The following CLHC1 variants were observed in gnomAD, a reference collection of about 807,000 sequenced individuals.
CLHC1 encodes clathrin heavy chain linker domain containing 1, also known as clathrin heavy chain linker domain-containing protein 1.
CLHC1 carries 72 observed loss-of-function variants against 69.5 expected under a neutral mutation model. That is an observed-to-expected ratio of 1.04 (90% CI 0.86 to 1.26). The LOEUF (loss-of-function observed/expected upper bound fraction) is 1.26. Ranked by LOEUF, CLHC1 falls within the 50% of genes most tolerant of loss-of-function variation. The probability of loss-of-function intolerance (pLI) is 0.00; values close to 1 mark genes in which losing one functional copy is unlikely to be tolerated. For synonymous variants in CLHC1, 223 were observed against 224.3 expected, an observed-to-expected ratio of 0.99 and a Z score of 0.05; for missense variants, 790 against 679.3, an observed-to-expected ratio of 1.16 and a Z score of -1.81.
chr2:55,184,632 C>T (rs1245404977), intron 9 of CLHC1, among the ~76,000 whole-genome samples: 3 of 151,940 alleles, frequency 2.0e-5, no homozygotes, highest in Non-Finnish European at 4.4e-5. Flanking sequence ...TTAGGCCAGG[C>T]GCGGTGGCTC....
rs1558431157 is a variant in CLHC1, at chr2:55,173,820, C to G, written c.*1970G>C. ...CTTGGGAAAGCTGCCAAAGGCAATG[C>G]TAACTGAGAAGGAGTAATAATGAGA... On this transcript the variant is annotated 3_prime_UTR_variant, in exon 13 of 13. Coordinates refer to ENST00000401408, the MANE Select transcript of CLHC1 (RefSeq NM_152385.4). Among the ~76,000 whole-genome samples the G allele has an allele frequency of 6.6e-6, 1 of 152,094 alleles. No homozygotes were observed. The highest frequency in any genetic ancestry group is 1.5e-5 in the Non-Finnish European group (1 of 68,008).
At chr2:55,207,895 T>C (rs867437040) in intron 8 of CLHC1, among the ~76,000 whole-genome samples, 1 of 152,216 alleles carries the variant, frequency 6.6e-6, no homozygotes, top group African/African-American at 2.4e-5. Context: ...TTTTTATGTA[T>C]ACTTGAAATA....
intron 11 of CLHC1, among the ~76,000 whole-genome samples, chr2:55,179,049 C>T (rs1669667126): frequency 6.9e-6 from 1 of 144,338 alleles, no homozygotes; most frequent in Non-Finnish European, 1.5e-5. Context: ...CCATCTCAGC[C>T]TCCTGAGTGG....
chr2:55,180,173 A>C (rs2103673243), intron 11 of CLHC1, among the ~76,000 whole-genome samples: 1 of 152,166 alleles, frequency 6.6e-6, no homozygotes, highest in African/African-American at 2.4e-5. Flanking sequence ...ATATATATAT[A>C]TATCTCACAA....
chr2:55,195,562 G>A (rs1671332148), intron 9 of CLHC1, among the ~76,000 whole-genome samples: 1 of 152,136 alleles, frequency 6.6e-6, no homozygotes, highest in South Asian at 2.1e-4. Flanking sequence ...AGCACTTTCG[G>A]AGGCCAAGGC....
rs552141488 is a variant in CLHC1, at chr2:55,200,069, A to T, written c.1006+6201T>A. 6.6e-4 allele frequency among the ~76,000 whole-genome samples: 101 copies of T among 152,070 alleles called. 1 individual carries two copies. Among genetic ancestry groups the T allele is most frequent in the African/African-American group, 2.3e-3 (96 of 41,472 alleles). On this transcript the variant is annotated intron_variant, in intron 9 of 12. Transcript: ENST00000401408. ...TGAGACCTTGTCTCCACAAAAATTT[A>T]AAAAATTAGCCAAGTGTGGTGGTGC...
chr2:55,224,335 G>T, intron 2 of CLHC1: 2 of 458,410 alleles, frequency 4.4e-6, no homozygotes, highest in South Asian at 3.3e-5. Flanking sequence ...TGAACTCCAC[G>T]CCTTGACAGC....
chr2:55,208,613 T>C lies in CLHC1; in HGVS notation c.899+13A>G. ...ATATAATTCTGAAAAATTAAAGCTTTTAAAATATTTGCCTTTCAATGTAGT... is the reference window on the plus strand; with the variant it reads ...ATATAATTCTGAAAAATTAAAGCTTCTAAAATATTTGCCTTTCAATGTAGT... On this transcript the variant is annotated intron_variant, in intron 8 of 12. Transcript: ENST00000401408. 1 of 1,541,772 alleles carries C rather than the reference T, an allele frequency of 6.5e-7. No individual in the cohort carries two copies. The highest frequency in any genetic ancestry group is 9.0e-7 in the Non-Finnish European group (1 of 1,116,922).
At chr2:55,180,800 A>G in intron 10 of CLHC1, 88 bp from the exon 11 acceptor site, 2 of 945,364 alleles carry the variant, frequency 2.1e-6, no homozygotes, top group Non-Finnish European at 3.3e-6. Context: ...GCACAGTAGG[A>G]CTGGATTTTC....
chr2:55,185,334 TA>T (rs1258125561), intron 9 of CLHC1, among the ~76,000 whole-genome samples: 1 of 152,096 alleles, frequency 6.6e-6, no homozygotes, highest in Non-Finnish European at 1.5e-5. Context: ...AAAGGCTATT[TA>T]AAAAGCTATT....
intron 2 of CLHC1, among the ~76,000 whole-genome samples, chr2:55,226,109 G>A (rs1488669241): frequency 2.6e-5 from 4 of 151,378 alleles, no homozygotes; most frequent in African/African-American, 9.8e-5. Context: ...GGAGAGTGGC[G>A]TGAACCCGGG....
chr2:55,208,714 T>C lies in CLHC1; in HGVS notation c.815-4A>G, dbSNP rs191533416. On this transcript the variant is annotated splice_polypyrimidine_tract_variant and splice_region_variant and intron_variant, in intron 7 of 12. Coordinates refer to ENST00000401408, the MANE Select transcript of CLHC1 (RefSeq NM_152385.4). ...TCTTCAACAATGCCTTGGTCACCTG[T>C]AAATATTGAAAGTACTACTGGAAGA... 9.5e-5 allele frequency: 152 copies of C among 1,594,806 alleles called. 1 individual carries two copies. Among genetic ancestry groups the C allele is most frequent in the Middle Eastern group, 6.6e-4 (4 of 6,018 alleles).
chr2:55,201,978 C>G (rs1312262557), intron 9 of CLHC1, among the ~76,000 whole-genome samples: 2 of 151,908 alleles, frequency 1.3e-5, no homozygotes, highest in Non-Finnish European at 2.9e-5. Context: ...ATGATAAAAA[C>G]CAGAAAAAAA....
intron 2 of CLHC1, among the ~76,000 whole-genome samples, chr2:55,226,245 G>T (rs1188586148): frequency 6.6e-6 from 1 of 151,126 alleles, no homozygotes; most frequent in East Asian, 1.9e-4. Context: ...TTGTCCAACT[G>T]AAGTTGGATA....
At chr2:55,184,138 C>G (rs1670190807) in intron 9 of CLHC1, among the ~76,000 whole-genome samples, 1 of 139,440 alleles carries the variant, frequency 7.2e-6, no homozygotes, top group Non-Finnish European at 1.5e-5. Context: ...CAGGGTCTCA[C>G]TGTGTTGCCC....
chr2:55,207,772 G>A (rs895592185), intron 8 of CLHC1, among the ~76,000 whole-genome samples: 8 of 152,096 alleles, frequency 5.3e-5, no homozygotes, highest in Admixed American at 4.6e-4. Flanking sequence ...ATACACAGTA[G>A]GATGTCAACT....
At chr2:55,203,000 A>AT (rs772118614) in intron 9 of CLHC1, among the ~76,000 whole-genome samples, 20 of 152,172 alleles carry the variant, frequency 1.3e-4, no homozygotes, top group Non-Finnish European at 2.4e-4. Flanking sequence ...CCAACAACAA[A>AT]CAATCTGAAA....
chr2:55,181,751 A>G lies in CLHC1; in HGVS notation c.1007-7T>C, dbSNP rs1558448523. ...CCTCTAATTTTTCCAACAGCTACAGAAAGGAGAAAATTTTCTGAGTCAAAT... is the reference window on the plus strand; with the variant it reads ...CCTCTAATTTTTCCAACAGCTACAGGAAGGAGAAAATTTTCTGAGTCAAAT... On this transcript the variant is annotated splice_region_variant and splice_polypyrimidine_tract_variant and intron_variant, in intron 9 of 12. Coordinates refer to ENST00000401408, the MANE Select transcript of CLHC1 (RefSeq NM_152385.4). 1.9e-6 allele frequency: 3 copies of G among 1,606,460 alleles called. No homozygotes were observed. The highest frequency in any genetic ancestry group is 2.5e-6 in the Non-Finnish European group (3 of 1,177,510).
At chr2:55,185,950 A>G (rs1434725411) in intron 9 of CLHC1, among the ~76,000 whole-genome samples, 1 of 152,190 alleles carries the variant, frequency 6.6e-6, no homozygotes, top group Non-Finnish European at 1.5e-5. Context: ...AACAGAAAGC[A>G]ATTGTCTAAA....
Sources: gnomAD v4.1 joint callset for allele counts (sites outside exome capture counted in the v4.1 genomes callset) on GRCh38, gnomAD v4.1.1 for gene constraint, MANE v1.5 for transcripts, NCBI Gene and HGNC (gene_info 2026-07-23, HGNC 2026-07-21) for gene names.